The following CFAP91 variants were observed in gnomAD, a reference collection of about 807,000 sequenced individuals.
The protein encoded by CFAP91 is cilia- and flagella-associated protein 91.
CFAP91 carries 85 observed loss-of-function variants against 95.9 expected under a neutral mutation model. The ratio of observed to expected loss-of-function variants is 0.89; its 90% CI spans 0.74 to 1.06. The LOEUF (loss-of-function observed/expected upper bound fraction) is 1.06, where lower values mean the gene tolerates loss of function less well. Ranked by LOEUF, CFAP91 falls within the 50% of genes least tolerant of loss-of-function variation. The pLI is 0.00. For missense variants in CFAP91, 962 were observed against 943.4 expected (o/e 1.02, Z -0.26); for synonymous variants, 335 against 327.5 (o/e 1.02, Z -0.25).
chr3:119,725,616 G>A lies in CFAP91; in HGVS notation c.683-555G>A, dbSNP rs1016086. Among the ~76,000 whole-genome samples the A allele has an allele frequency of 7.4e-3, 1,119 of 152,144 alleles. 7 individuals carry two copies. The highest frequency in any genetic ancestry group is 0.037 in the Middle Eastern group (11 of 294). ...AAAAAAATAAAAATAAATTAGCCAG[G>A]TGTGGTGGCACATGCCAGTAGTCCC... On this transcript the variant is annotated intron_variant, in intron 6 of 17. Transcript: ENST00000273390.
chr3:119,724,976 C>T (rs1189458856), intron 6 of CFAP91, among the ~76,000 whole-genome samples: 1 of 151,702 alleles, frequency 6.6e-6, no homozygotes, highest in Non-Finnish European at 1.5e-5. Flanking sequence ...TTTTTAAAAG[C>T]ATAAACATTG....
At chr3:119,711,491 G>A (rs1338453772) in intron 5 of CFAP91, among the ~76,000 whole-genome samples, 1 of 152,232 alleles carries the variant, frequency 6.6e-6, no homozygotes, top group Non-Finnish European at 1.5e-5. Flanking sequence ...GAGGCCTGCA[G>A]TGATGAACAC....
At chr3:119,715,399 G>A (rs1212553791) in intron 5 of CFAP91, 163 bp from the exon 6 acceptor site, 2 of 734,462 alleles carry the variant, frequency 2.7e-6, no homozygotes, top group East Asian at 2.6e-5. Flanking sequence ...CTCAAGATTT[G>A]TGCGCATAAT....
At chr3:119,705,817 T>G (rs566580152) in intron 1 of CFAP91, among the ~76,000 whole-genome samples, 1 of 152,200 alleles carries the variant, frequency 6.6e-6, no homozygotes, top group African/African-American at 2.4e-5. Context: ...TCAATAAACA[T>G]GTGTTGAATG....
At position 119,765,599 on chromosome 3, in the gene CFAP91, T is replaced by C. The variant is rs953476837; in HGVS notation, c.*549T>C. ...CTCCATCGGAACAGAAAACTATACT[T>C]TGGTCTGCTTCTACAGTGGCACATC... On this transcript the variant is annotated 3_prime_UTR_variant, in exon 18 of 18. Coordinates refer to ENST00000273390, the MANE Select transcript of CFAP91 (RefSeq NM_033364.4). 2.6e-5 allele frequency: 4 copies of C among 152,204 alleles called. No homozygotes were observed. Among genetic ancestry groups the C allele is most frequent in the African/African-American group, 9.7e-5 (4 of 41,438 alleles). The allele number at this position is 152,204 out of a possible 1,614,324, so 9.4% of individuals were successfully genotyped here.
chr3:119,708,770 C>A, intron 4 of CFAP91, 96 bp downstream of exon 4: 1 of 717,462 alleles, frequency 1.4e-6, no homozygotes, highest in Non-Finnish European at 2.4e-6. Flanking sequence ...GTGCATACAA[C>A]GTGCCAGACT....
intron 1 of CFAP91, chr3:119,705,924 T>A (rs1366907176): frequency 6.6e-6 from 1 of 152,208 alleles, no homozygotes; most frequent in African/African-American, 2.4e-5. Context: ...GGGTTACTAA[T>A]GAATTATTAG....
intron 8 of CFAP91, among the ~76,000 whole-genome samples, chr3:119,730,605 T>A (rs1170306587): frequency 7.4e-5 from 1 of 13,448 alleles, no homozygotes; most frequent in African/African-American, 3.1e-4. Flanking sequence ...TGAGATAGTG[T>A]GTGTGTGTGT....
intron 4 of CFAP91, 84 bp from the exon 5 acceptor site, chr3:119,709,755 G>C: frequency 9.9e-7 from 1 of 1,009,882 alleles, no homozygotes; most frequent in South Asian, 1.3e-5. Flanking sequence ...TGATTTTTAA[G>C]GGACAAATAT....
chr3:119,746,857 T>TACAC (rs2107907788), intron 14 of CFAP91, among the ~76,000 whole-genome samples: 1 of 152,298 alleles, frequency 6.6e-6, no homozygotes, highest in Admixed American at 6.5e-5. Flanking sequence ...CCTTCAGCAG[T>TACAC]GCTGTCTTGC....
At chr3:119,712,576 A>T (rs2053490633) in intron 5 of CFAP91, among the ~76,000 whole-genome samples, 1 of 152,218 alleles carries the variant, frequency 6.6e-6, no homozygotes, top group African/African-American at 2.4e-5. Context: ...TTCTACTGAA[A>T]ACATAAGAAG....
rs147792833 is a variant in CFAP91, at chr3:119,741,059, C to A, written c.1680+364C>A. Among the ~76,000 whole-genome samples, 495 of 152,256 alleles carry A rather than the reference C, an allele frequency of 3.3e-3. 3 individuals carry two copies. The highest frequency in any genetic ancestry group is 0.012 in the African/African-American group (481 of 41,534). Reference sequence around the variant, plus strand: ...TAGAGATGGGGTTTCGCCATATTGGCCAGGCTGGTCTCGAACTCCTGACCT... The same window carrying A: ...TAGAGATGGGGTTTCGCCATATTGGACAGGCTGGTCTCGAACTCCTGACCT... On this transcript the variant is annotated intron_variant, in intron 13 of 17. Coordinates refer to ENST00000273390, the MANE Select transcript of CFAP91 (RefSeq NM_033364.4).
Position 119,740,691 on chromosome 3 carries a change from A to C in CFAP91, c.1676A>C (p.His559Pro). 6.2e-7 allele frequency: 1 copy of C among 1,613,744 alleles called. No individual in the cohort carries two copies. The highest frequency in any genetic ancestry group is 8.5e-7 in the Non-Finnish European group (1 of 1,179,792). Residue 559 changes from histidine to proline, a missense_variant, in exon 13 of 18, where the codon CAC becomes CCC. Physicochemically the swap from His to Pro is moderately conservative, Grantham distance 77. Coordinates refer to ENST00000273390, the MANE Select transcript of CFAP91 (RefSeq NM_033364.4). ...ALQRQRNLHE[H>P]KVSLVENHLA... ...CAGCGGCAGAGGAACTTGCATGAGC[A>C]CAAGGTTTTCCTTTTTTTGTTTTCT...
At chr3:119,722,643 C>G (rs1331656295) in intron 6 of CFAP91, among the ~76,000 whole-genome samples, 2 of 152,026 alleles carry the variant, frequency 1.3e-5, no homozygotes, top group Non-Finnish European at 2.9e-5. Flanking sequence ...TCCACACCAC[C>G]ATGCCATGCT....
At chr3:119,751,686 C>A (rs2107914094) in intron 17 of CFAP91, among the ~76,000 whole-genome samples, 1 of 152,314 alleles carries the variant, frequency 6.6e-6, no homozygotes, top group East Asian at 1.9e-4. Context: ...CCTTGCCATA[C>A]CCATGCAGAA....
Position 119,747,147 on chromosome 3 carries a change from C to A in CFAP91, c.1935C>A (p.Ser645=). The change falls in exon 15 of 18, where the codon TCC becomes TCA. Residue 645 remains serine, a synonymous_variant. Coordinates refer to ENST00000273390, the MANE Select transcript of CFAP91 (RefSeq NM_033364.4). ...VVKVHHSTIS[S]YLEDIILNTE... is the part of the protein sequence containing the mutation. ...AAGTTCACCATAGTACTATAAGCTCCTACCTAGAAGACATAATACTGAATA... is the reference window on the plus strand; with the variant it reads ...AAGTTCACCATAGTACTATAAGCTCATACCTAGAAGACATAATACTGAATA... 3 of 1,610,748 alleles carry A rather than the reference C, an allele frequency of 1.9e-6. No homozygotes were observed. The highest frequency in any genetic ancestry group is 2.5e-6 in the Non-Finnish European group (3 of 1,178,586).
chr3:119,705,656 C>A (rs530258020), intron 1 of CFAP91, among the ~76,000 whole-genome samples: 1 of 152,138 alleles, frequency 6.6e-6, no homozygotes, highest in Non-Finnish European at 1.5e-5. Context: ...CTTCCTTACC[C>A]GATTTCTTCT....
At chr3:119,763,461 A>G (rs2054574431) in intron 17 of CFAP91, among the ~76,000 whole-genome samples, 1 of 152,080 alleles carries the variant, frequency 6.6e-6, no homozygotes, top group Admixed American at 6.6e-5. Context: ...CAATTCCACA[A>G]CTGGGTGTAT....
chr3:119,706,885 G>A lies in CFAP91; in HGVS notation c.201G>A (p.Leu67=). 1 of 1,610,380 alleles carries A rather than the reference G, an allele frequency of 6.2e-7. No homozygotes were observed. Among genetic ancestry groups the A allele is most frequent in the Non-Finnish European group, 8.5e-7 (1 of 1,178,058 alleles). ...AAGCTACCCTGATTCGCAGCAGACT[G>A]GTATGTCTAATTCATCAGCCAAGGC... The part of the protein sequence containing the change: ...NIQATLIRSR[L]RKVPRFKTMF... The change falls in exon 2 of 18, where the codon CTG becomes CTA. Residue 67 remains leucine (L), a splice_region_variant and synonymous_variant. Coordinates refer to ENST00000273390, the MANE Select transcript of CFAP91 (RefSeq NM_033364.4).
Sources: gnomAD v4.1 joint callset for allele counts (sites outside exome capture counted in the v4.1 genomes callset) on GRCh38, gnomAD v4.1.1 for gene constraint, MANE v1.5 for transcripts, NCBI Gene and HGNC (gene_info 2026-07-23, HGNC 2026-07-21) for gene names.